Variants in WWP2 observed in about 807,000 individuals in gnomAD.
The protein encoded by WWP2 is WW domain containing E3 ubiquitin protein ligase 2.
Under a neutral mutation model 121.0 loss-of-function variants are expected in WWP2, and 57 were observed. The observed-to-expected ratio is 0.47, with a 90% CI of 0.38 to 0.59. The LOEUF is 0.59. Ranked by LOEUF, WWP2 falls within the 20% of genes least tolerant of loss-of-function variation. The pLI, the probability that WWP2 is intolerant of heterozygous loss-of-function variation, is 0.00. For synonymous variants in WWP2, 449 were observed against 441.3 expected (o/e 1.02, Z -0.22); for missense variants, 962 against 1,158.9 (o/e 0.83, Z 2.47).
Position 69,935,731 on chromosome 16 carries a change from G to A in WWP2, c.1843-122G>A. On this transcript the variant is annotated intron_variant, in intron 17 of 23. Coordinates refer to ENST00000359154, the MANE Select transcript of WWP2 (RefSeq NM_001270454.2). The surrounding 1 kb of genome is among the most constrained non-coding windows in gnomAD (Gnocchi z 5.2). ...CGCTGCGTCCGAGGCAGCTGCTGCT[G>A]TAGTTCTGTCAGGGAAGGAAGGCGG... 1 of 1,426,432 alleles carries A rather than the reference G, an allele frequency of 7.0e-7. No individual in the cohort carries two copies. The highest frequency in any genetic ancestry group is 9.5e-7 in the Non-Finnish European group (1 of 1,056,886). 88.4% of individuals were successfully genotyped at this position (1,426,432 alleles called of 1,614,324 possible).
At chr16:69,794,062 C>T (rs1182948356) in intron 2 of WWP2, among the ~76,000 whole-genome samples, 9 of 152,030 alleles carry the variant, frequency 5.9e-5, no homozygotes, top group Admixed American at 3.9e-4. Context: ...GAACTACAGG[C>T]GTGCGCCACC....
chr16:69,810,427 C>CTT (rs773074583), intron 4 of WWP2, among the ~76,000 whole-genome samples: 21 of 140,470 alleles, frequency 1.5e-4, no homozygotes, highest in East Asian at 6.1e-4. Flanking sequence ...TTTTTAACAT[C>CTT]TTTTTTTTTT....
At chr16:69,781,743 G>T (rs2055668887) in intron 1 of WWP2, among the ~76,000 whole-genome samples, 1 of 152,130 alleles carries the variant, frequency 6.6e-6, no homozygotes, top group Non-Finnish European at 1.5e-5. Flanking sequence ...ATAAAGAAAA[G>T]AGATTTATTC....
At chr16:69,931,767 G>T in intron 15 of WWP2, 35 bp from the exon 16 acceptor site, 1 of 1,609,272 alleles carries the variant, frequency 6.2e-7, no homozygotes, top group South Asian at 1.1e-5. Context: ...GTGGAAGGGA[G>T]AGTGGCAGGC....
intron 4 of WWP2, among the ~76,000 whole-genome samples, chr16:69,831,365 T>C (rs1450691286): frequency 6.6e-6 from 1 of 152,186 alleles, no homozygotes; most frequent in African/African-American, 2.4e-5. Flanking sequence ...TTCGTACATT[T>C]GCTGTGAAAC....
chr16:69,937,213 G>A lies in WWP2; in HGVS notation c.2213G>A (p.Arg738His), dbSNP rs897039134. ...GAGGTGGCCCCGCTGGAGTGGCTGC[G>A]CTACTTTGACGAGAAAGAGCTGGAG... ...FNEVAPLEWL[R>H]YFDEKELELM... Residue 738 changes from arginine to histidine, a missense_variant, in exon 20 of 24, where the codon CGC becomes CAC. Arg to His is a conservative substitution (Grantham distance 29, BLOSUM62 0). Around this residue, in one of 3 missense-constraint regions of WWP2, gnomAD observed 606 missense variants for 772.6 expected, o/e 0.78. Transcript: ENST00000359154. This position sits in a 1 kb window ranked among gnomAD's most constrained non-coding sequence, Gnocchi z 6.6. 2.5e-6 allele frequency: 4 copies of A among 1,613,762 alleles called. No homozygotes were observed. Among genetic ancestry groups the A allele is most frequent in the Non-Finnish European group, 3.4e-6 (4 of 1,179,956 alleles).
intron 2 of WWP2, among the ~76,000 whole-genome samples, chr16:69,788,417 T>C (rs138291008): frequency 0.012 from 1,806 of 152,296 alleles, 27 homozygotes; most frequent in African/African-American, 0.038. Flanking sequence ...TCCCATGTGA[T>C]GTGACCCTTC....
chr16:69,924,761 G>A (rs988636191), intron 10 of WWP2, among the ~76,000 whole-genome samples: 1 of 146,024 alleles, frequency 6.8e-6, no homozygotes, highest in African/African-American at 2.5e-5. Context: ...TCAGGTTCAG[G>A]CAGGGGAGGA....
chr16:69,885,205 A>G (rs1310405284), intron 7 of WWP2, among the ~76,000 whole-genome samples: 1 of 152,036 alleles, frequency 6.6e-6, no homozygotes, highest in Non-Finnish European at 1.5e-5. Context: ...AAATTTTAGA[A>G]TAAATTCATC....
intron 1 of WWP2, among the ~76,000 whole-genome samples, chr16:69,786,445 T>TC: frequency 7.5e-6 from 1 of 134,196 alleles, no homozygotes; most frequent in Non-Finnish European, 1.6e-5. Flanking sequence ...AGCCAATCTT[T>TC]TTTTTTTTTT....
chr16:69,850,095 A>G (rs1774791028), intron 6 of WWP2, among the ~76,000 whole-genome samples: 1 of 152,146 alleles, frequency 6.6e-6, no homozygotes, highest in South Asian at 2.1e-4. Flanking sequence ...TGATTAAAAG[A>G]TGAAAAGTCG....
chr16:69,879,346 G>T (rs2057785627), intron 7 of WWP2, among the ~76,000 whole-genome samples: 1 of 152,060 alleles, frequency 6.6e-6, no homozygotes. Flanking sequence ...ATCCCAAACG[G>T]ATTCTCTGTA....
chr16:69,854,581 T>G (rs2057275728), intron 6 of WWP2, among the ~76,000 whole-genome samples: 1 of 152,072 alleles, frequency 6.6e-6, no homozygotes, highest in Non-Finnish European at 1.5e-5. Flanking sequence ...GATGGAATCT[T>G]GCTCTGTCGC....
At chr16:69,883,993 TA>T (rs893551680) in intron 7 of WWP2, among the ~76,000 whole-genome samples, 1 of 152,192 alleles carries the variant, frequency 6.6e-6, no homozygotes, top group African/African-American at 2.4e-5. Context: ...ACTAAAACTT[TA>T]AAAAAATAAA....
chr16:69,889,192 G>A (rs149279308), intron 8 of WWP2, among the ~76,000 whole-genome samples: 12 of 152,088 alleles, frequency 7.9e-5, no homozygotes, highest in Non-Finnish European at 1.2e-4. Context: ...TGGGCACAGT[G>A]ACCTGTGCCT....
At chr16:69,921,081 G>A (rs964715268) in intron 10 of WWP2, among the ~76,000 whole-genome samples, 3 of 152,096 alleles carry the variant, frequency 2.0e-5, no homozygotes, top group South Asian at 2.1e-4. Context: ...TCTCAGGCTC[G>A]CTGGGGATGT....
intron 11 of WWP2, 45 bp from the exon 12 acceptor site, chr16:69,929,403 C>CT: frequency 6.3e-7 from 1 of 1,582,556 alleles, no homozygotes. Flanking sequence ...GACACCGGCT[C>CT]TCCGTGTTTG....
At chr16:69,933,865 T>G in intron 16 of WWP2, 105 bp from the exon 17 acceptor site, 2 of 1,349,244 alleles carry the variant, frequency 1.5e-6, no homozygotes, top group Non-Finnish European at 2.1e-6. Context: ...CTGGGACACG[T>G]GTCCCCATAC....
chr16:69,888,030 C>T lies in WWP2; in HGVS notation c.704-9C>T, dbSNP rs756653204. ...GTTGATCTTTAAAGTATGATTTGTG[C>T]ATCTTCAGTGAATGATGAACCCACA... On this transcript the variant is annotated splice_polypyrimidine_tract_variant and intron_variant, in intron 7 of 23. Coordinates refer to ENST00000359154, the MANE Select transcript of WWP2 (RefSeq NM_001270454.2). 5.6e-6 allele frequency: 9 copies of T among 1,613,752 alleles called. No homozygotes were observed. The highest frequency in any genetic ancestry group is 6.8e-6 in the Non-Finnish European group (8 of 1,179,838).
Sources: gnomAD v4.1 joint callset for allele counts (sites outside exome capture counted in the v4.1 genomes callset) on GRCh38, gnomAD v4.1.1 for gene constraint, gnomAD v4.1.1 regional missense constraint, Gnocchi (gnomAD v3.1) non-coding constraint, MANE v1.5 for transcripts, NCBI Gene and HGNC (gene_info 2026-07-23, HGNC 2026-07-21) for gene names.